The following SLC44A5 variants were observed in gnomAD, a reference collection of about 807,000 sequenced individuals.
The protein encoded by SLC44A5 is choline transporter-like protein 5.
In SLC44A5, 57 loss-of-function variants were observed where a neutral mutation model predicts 101.8. The observed-to-expected ratio is 0.56, with a 90% CI of 0.45 to 0.70. SLC44A5 has a LOEUF of 0.70. Among genes scored for constraint, SLC44A5 ranks in the 30% least tolerant of loss-of-function variants. SLC44A5 has a pLI of 0.00. For missense variants in SLC44A5, 737 were observed against 853.1 expected (o/e 0.86, Z 1.70); for synonymous variants, 281 against 290.9 (o/e 0.97, Z 0.35).
the SLC44A5 span, chr1:75,641,694 G>T: frequency 6.5e-7 from 1 of 1,540,082 alleles, no homozygotes; most frequent in South Asian, 1.1e-5. Flanking sequence ...CTCCAATCTT[G>T]TATGAGATAC....
intron 20 of SLC44A5, 123 bp from the exon 21 acceptor site, chr1:75,214,112 A>G (rs956271276): frequency 7.4e-5 from 49 of 664,748 alleles, no homozygotes; most frequent in African/African-American, 3.3e-4. Context: ...GTATTTGGCA[A>G]TTGTTTTGCA....
At chr1:75,230,422 A>AT (rs540469427) in intron 12 of SLC44A5, among the ~76,000 whole-genome samples, 31 of 150,632 alleles carry the variant, frequency 2.1e-4, no homozygotes, top group African/African-American at 4.6e-4. Context: ...TAATTTTTAT[A>AT]TTTTTTTTAG....
chr1:75,430,918 AAGCACACAATTTCATTTAAACATCC>A (rs1664579446), intron 2 of SLC44A5, among the ~76,000 whole-genome samples: 1 of 152,222 alleles, frequency 6.6e-6, no homozygotes, highest in Admixed American at 6.5e-5. Context: ...AACTTTGCCC[AAGCACACAATTTCATTTAAACATCC>A]AGCATTAAAA....
upstream of SLC44A5, among the ~76,000 whole-genome samples, chr1:75,613,846 G>T (rs1456782898): frequency 6.6e-6 from 1 of 152,144 alleles, no homozygotes; most frequent in Non-Finnish European, 1.5e-5. Context: ...TGTTTTGAGG[G>T]GACGGAAGAA....
At chr1:75,491,665 TA>T (rs996923008) in intron 2 of SLC44A5, among the ~76,000 whole-genome samples, 2 of 152,004 alleles carry the variant, frequency 1.3e-5, no homozygotes, top group African/African-American at 4.8e-5. Context: ...AATGTGTAGG[TA>T]AGTGTCACAG....
the SLC44A5 span, among the ~76,000 whole-genome samples, chr1:75,616,857 T>G: frequency 2.0e-5 from 3 of 152,180 alleles, no homozygotes; most frequent in African/African-American, 7.2e-5. Context: ...AAGTTCACGC[T>G]CTCAGATGTT....
intron 6 of SLC44A5, among the ~76,000 whole-genome samples, chr1:75,273,345 C>T (rs1651650516): frequency 6.6e-6 from 1 of 152,062 alleles, no homozygotes; most frequent in South Asian, 2.1e-4. Context: ...AGTTTGACTT[C>T]CTCTTTTCCA....
Position 75,423,699 on chromosome 1 carries a change from G to A in SLC44A5, c.14-27078C>T, listed in dbSNP as rs138944037. On this transcript the variant is annotated intron_variant, in intron 2 of 23. Coordinates refer to ENST00000370859, the MANE Select transcript of SLC44A5 (RefSeq NM_001130058.2). ...GCTCCATACTCCCTGCTCCCAGGAC[G>A]CACTTATCTGTTTACTAGCTGTCAA... is the stretch of plus-strand genomic sequence containing the variant. Among the ~76,000 whole-genome samples the A allele has an allele frequency of 7.4e-3, 1,128 of 152,312 alleles. 13 individuals are homozygous for A. The highest frequency in any genetic ancestry group is 0.023 in the South Asian group (111 of 4,822).
intron 13 of SLC44A5, among the ~76,000 whole-genome samples, chr1:75,225,374 C>A (rs986786785): frequency 1.3e-5 from 2 of 152,124 alleles, no homozygotes; most frequent in Admixed American, 6.5e-5. Flanking sequence ...AATTGCCTAA[C>A]AATGCATTTC....
At chr1:75,556,378 T>C (rs1229552017) in intron 1 of SLC44A5, among the ~76,000 whole-genome samples, 1 of 152,158 alleles carries the variant, frequency 6.6e-6, no homozygotes, top group African/African-American at 2.4e-5. Context: ...TATTATGTTA[T>C]AGCTGCACTG....
rs1334326664 is a variant in SLC44A5, at chr1:75,480,356, T to C, written c.13+61079A>G. Among the ~76,000 whole-genome samples the C allele has an allele frequency of 1.1e-4, 17 of 152,218 alleles. No individual in the cohort carries two copies. The East Asian group carries it at 3.1e-3, about 28-fold the overall frequency. ...GAAAACTGGCACAAGACAGGGATGC[T>C]CTTTCTCACCACCCCTATTTAACAT... is the stretch of plus-strand genomic sequence containing the variant. On this transcript the variant is annotated intron_variant, in intron 2 of 23. Transcript: ENST00000370859.
intron 2 of SLC44A5, among the ~76,000 whole-genome samples, chr1:75,480,087 G>T (rs371965194): frequency 1.4e-4 from 21 of 152,292 alleles, no homozygotes; most frequent in East Asian, 5.8e-4. Context: ...GGGATGCAAG[G>T]CTGGTTCAAT....
At chr1:75,703,419 C>A in the SLC44A5 span, among the ~76,000 whole-genome samples, 1,357 of 151,730 alleles carry the variant, frequency 8.9e-3, 22 homozygotes, top group African/African-American at 0.031. Flanking sequence ...GAGAAAAAAA[C>A]CAAACACCGC....
intron 2 of SLC44A5, among the ~76,000 whole-genome samples, chr1:75,496,847 A>G (rs1668703395): frequency 6.6e-6 from 1 of 152,126 alleles, no homozygotes; most frequent in African/African-American, 2.4e-5. Flanking sequence ...TTTTCCAAGG[A>G]AGACATAGAG....
the SLC44A5 span, among the ~76,000 whole-genome samples, chr1:75,720,109 A>G: frequency 5.3e-5 from 8 of 152,128 alleles, no homozygotes; most frequent in Non-Finnish European, 1.0e-4. Context: ...TTGTATTTCA[A>G]TTGTCCTACA....
chr1:75,392,100 T>C (rs1309960502), intron 3 of SLC44A5, among the ~76,000 whole-genome samples: 2 of 151,872 alleles, frequency 1.3e-5, no homozygotes, highest in African/African-American at 4.8e-5. Flanking sequence ...CAGTGAGCCA[T>C]GATCACGCCA....
intron 2 of SLC44A5, among the ~76,000 whole-genome samples, chr1:75,443,167 C>T (rs1434237255): frequency 1.3e-5 from 2 of 151,906 alleles, no homozygotes; most frequent in Non-Finnish European, 2.9e-5. Flanking sequence ...TAAGCTAAAC[C>T]TGTAGCCTTA....
chr1:75,468,290 C>G (rs1313373962), intron 2 of SLC44A5, among the ~76,000 whole-genome samples: 1 of 152,130 alleles, frequency 6.6e-6, no homozygotes, highest in Non-Finnish European at 1.5e-5. Context: ...ACTAGAGATA[C>G]TATATGATCC....
chr1:75,704,233 A>T, the SLC44A5 span, among the ~76,000 whole-genome samples: 1 of 152,226 alleles, frequency 6.6e-6, no homozygotes, highest in Non-Finnish European at 1.5e-5. Flanking sequence ...AAATCAGGAT[A>T]TTAATATAGT....
Sources: gnomAD v4.1 joint callset for allele counts (sites outside exome capture counted in the v4.1 genomes callset) on GRCh38, gnomAD v4.1.1 for gene constraint, MANE v1.5 for transcripts, NCBI Gene and HGNC (gene_info 2026-07-23, HGNC 2026-07-21) for gene names.